The following ABHD12B variants were observed in gnomAD, a reference collection of about 807,000 sequenced individuals.
The protein encoded by ABHD12B is protein ABHD12B.
ABHD12B carries 42 observed loss-of-function variants against 50.4 expected under a neutral mutation model. The ratio of observed to expected loss-of-function variants is 0.83; its 90% CI spans 0.65 to 1.08. The LOEUF is 1.08. ABHD12B is among the 50% of genes least tolerant of loss of function. The pLI is 0.00. For synonymous variants in ABHD12B, 167 were observed against 160.3 expected, an observed-to-expected ratio of 1.04 and a Z score of -0.32; for missense variants, 479 against 447.7, an observed-to-expected ratio of 1.07 and a Z score of -0.63.
At chr14:50,902,038 T>A (rs28485307) in intron 10 of ABHD12B, 127 bp downstream of exon 10, 119,702 of 604,520 alleles carry the variant, frequency 0.2, 13,721 homozygotes, top group East Asian at 0.43. Context: ...AGAATATTGT[T>A]CTGCGCTTCT....
chr14:50,895,274 G>T (rs1284242190), intron 9 of ABHD12B, among the ~76,000 whole-genome samples: 1 of 150,014 alleles, frequency 6.7e-6, no homozygotes, highest in Non-Finnish European at 1.5e-5. Flanking sequence ...CCCCACAACA[G>T]GATTTAATTA....
chr14:50,900,637 T>C (rs1453972968), intron 9 of ABHD12B, among the ~76,000 whole-genome samples: 1 of 152,246 alleles, frequency 6.6e-6, no homozygotes, highest in Non-Finnish European at 1.5e-5. Context: ...AGCTGAGACC[T>C]GCCTGAGATG....
chr14:50,875,339 C>G (rs2049846487), intron 1 of ABHD12B, among the ~76,000 whole-genome samples: 1 of 152,226 alleles, frequency 6.6e-6, no homozygotes, highest in South Asian at 2.1e-4. Flanking sequence ...AATTGGCACA[C>G]AGGTTGAAGG....
At chr14:50,892,528 T>C in intron 9 of ABHD12B, 1 of 985,442 alleles carries the variant, frequency 1.0e-6, no homozygotes, top group Non-Finnish European at 1.2e-6. Context: ...GCTTCTGTCA[T>C]CTAAGAATAA....
At chr14:50,881,743 G>C (rs1274684370) in intron 5 of ABHD12B, 117 bp downstream of exon 5, 7 of 1,196,290 alleles carry the variant, frequency 5.9e-6, no homozygotes, top group Middle Eastern at 2.0e-4. Context: ...TACTGGTCAG[G>C]GTGGGTTGTG....
intron 2 of ABHD12B, among the ~76,000 whole-genome samples, 179 bp downstream of exon 2, chr14:50,878,258 T>C (rs965105025): frequency 2.0e-5 from 3 of 152,168 alleles, no homozygotes; most frequent in African/African-American, 7.2e-5. Flanking sequence ...TTGCAAACTG[T>C]TGGGAGTAAA....
chr14:50,886,455 A>AAAAG (rs1314786338), intron 7 of ABHD12B, among the ~76,000 whole-genome samples, 192 bp from the exon 8 acceptor site: 4 of 151,452 alleles, frequency 2.6e-5, no homozygotes, highest in South Asian at 2.1e-4. Flanking sequence ...AAAAAAAAAA[A>AAAAG]AAAGAAAGAA....
chr14:50,885,531 G>A (rs1419699935), intron 5 of ABHD12B, 83 bp from the exon 6 acceptor site: 33 of 1,507,658 alleles, frequency 2.2e-5, no homozygotes, highest in Non-Finnish European at 3.0e-5. Flanking sequence ...TCCTTGTGAT[G>A]TGATATGGAT....
chr14:50,895,645 A>G (rs2050188316), intron 9 of ABHD12B: 1 of 152,100 alleles, frequency 6.6e-6, no homozygotes, highest in African/African-American at 2.4e-5. Context: ...GCGGCTGAAG[A>G]CTGACACTGC....
chr14:50,886,489 A>G (rs1436297561), intron 7 of ABHD12B, among the ~76,000 whole-genome samples, 158 bp from the exon 8 acceptor site: 1 of 151,704 alleles, frequency 6.6e-6, no homozygotes, highest in Non-Finnish European at 1.5e-5. Flanking sequence ...CCCCCTTAGT[A>G]TAGGGCCTGT....
At chr14:50,899,442 A>T (rs1345985937) in intron 9 of ABHD12B, among the ~76,000 whole-genome samples, 1 of 152,260 alleles carries the variant, frequency 6.6e-6, no homozygotes, top group Non-Finnish European at 1.5e-5. Flanking sequence ...CTATTAACAA[A>T]TGACATTATA....
rs2050307004 is a variant in ABHD12B at position 50,904,583 on chromosome 14, G to A, written c.*217G>A. On this transcript the variant is annotated 3_prime_UTR_variant, in exon 13 of 13. Transcript: ENST00000337334. ...CATAATCTACTTTGTAAAACATGCT[G>A]AAACCTCACTGTGGAGAACCAGAAT... is the stretch of plus-strand genomic sequence containing the variant. 1.6e-6 allele frequency: 1 copy of A among 619,568 alleles called. No individual in the cohort carries two copies. Among genetic ancestry groups the A allele is most frequent in the Non-Finnish European group, 2.8e-6 (1 of 358,276 alleles). The allele number at this position is 619,568 out of a possible 1,614,324, so 38.4% of individuals were successfully genotyped here.
intron 2 of ABHD12B, 73 bp from the exon 3 acceptor site, chr14:50,878,672 A>G (rs1275244234): frequency 2.4e-6 from 3 of 1,270,380 alleles, no homozygotes; most frequent in African/African-American, 2.9e-5. Context: ...GTGTAGGCTA[A>G]TTCCTTTCTT....
intron 9 of ABHD12B, chr14:50,891,070 A>G (rs1404037740): frequency 6.6e-6 from 1 of 151,976 alleles, no homozygotes; most frequent in Admixed American, 6.6e-5. Context: ...ATCTTTTGTG[A>G]GGTACTGGTT....
intron 9 of ABHD12B, chr14:50,891,788 A>T (rs895974717): frequency 6.6e-6 from 1 of 152,128 alleles, no homozygotes; most frequent in Non-Finnish European, 1.5e-5. Flanking sequence ...TATTAAATGG[A>T]CCTTCCCCAC....
chr14:50,899,981 T>C (rs2050245034), intron 9 of ABHD12B, among the ~76,000 whole-genome samples: 1 of 151,460 alleles, frequency 6.6e-6, no homozygotes, highest in Non-Finnish European at 1.5e-5. Flanking sequence ...CTCATGCCTG[T>C]AATCCCAGCC....
chr14:50,884,959 TCTA>T (rs945469288), intron 5 of ABHD12B, among the ~76,000 whole-genome samples: 2 of 152,210 alleles, frequency 1.3e-5, no homozygotes, highest in African/African-American at 2.4e-5. Context: ...TTTGATTGCT[TCTA>T]CTACAACTCT....
At chr14:50,885,939 C>T in intron 7 of ABHD12B, 44 bp downstream of exon 7, 1 of 1,609,126 alleles carries the variant, frequency 6.2e-7, no homozygotes, top group African/African-American at 1.3e-5. Flanking sequence ...GTCCTTGAGG[C>T]TTTAGTGTCC....
intron 8 of ABHD12B, among the ~76,000 whole-genome samples, chr14:50,887,976 T>C (rs2142746040): frequency 6.6e-6 from 1 of 152,348 alleles, no homozygotes; most frequent in Non-Finnish European, 1.5e-5. Context: ...AAAAGGCAGC[T>C]CAAACTCTCT....
Sources: gnomAD v4.1 joint callset for allele counts (sites outside exome capture counted in the v4.1 genomes callset) on GRCh38, gnomAD v4.1.1 for gene constraint, MANE v1.5 for transcripts, NCBI Gene and HGNC (gene_info 2026-07-23, HGNC 2026-07-21) for gene names.